Variants in TANC1 observed in about 807,000 individuals in gnomAD.
The protein encoded by TANC1 is tetratricopeptide repeat, ankyrin repeat and coiled-coil containing 1.
A neutral mutation model predicts 149.7 loss-of-function variants in TANC1; 77 were observed. The ratio of observed to expected loss-of-function variants is 0.51; its 90% confidence interval spans 0.43 to 0.62. The LOEUF is 0.62. Among genes scored for constraint, TANC1 ranks in the 20% least tolerant of loss-of-function variants. The pLI, the probability that TANC1 is intolerant of heterozygous loss-of-function variation, is 0.00. For missense variants in TANC1, 1,985 were observed against 2,321.8 expected, an observed-to-expected ratio of 0.85 and a Z score of 2.98; for synonymous variants, 854 against 925.0, an observed-to-expected ratio of 0.92 and a Z score of 1.39.
Position 159,232,229 on chromosome 2 carries a change from T to G in TANC1, c.*1217T>G, listed in dbSNP as rs1036254673. 6.6e-6 allele frequency: 1 copy of G among 152,622 alleles called. No individual in the cohort carries two copies. Among genetic ancestry groups the G allele is most frequent in the African/African-American group, 2.4e-5 (1 of 41,452 alleles). 9.5% of individuals were successfully genotyped at this position (152,622 alleles called of 1,614,324 possible). A position where few individuals can be genotyped will look rare whatever the true frequency, so the allele number is the denominator to read the frequency against. On this transcript the variant is annotated 3_prime_UTR_variant, in exon 27 of 27. Transcript: ENST00000263635. ...TAAAGATAAGGTACAGGAATGAACC[T>G]TGGTTTAAAGGTATTTTTATATGAA...
intron 16 of TANC1, among the ~76,000 whole-genome samples, chr2:159,187,768 T>C (rs893953266): frequency 3.3e-5 from 5 of 152,212 alleles, no homozygotes; most frequent in Non-Finnish European, 7.3e-5. Flanking sequence ...GTTTCATCTT[T>C]CATTTCAGCT....
chr2:158,992,669 A>ATTTTTTTTTTTTTTTT (rs70994251), intron 1 of TANC1, among the ~76,000 whole-genome samples: 4 of 112,512 alleles, frequency 3.6e-5, no homozygotes, highest in Non-Finnish European at 3.6e-5. Context: ...TGCCCAGCTA[A>ATTTTTTTTTTTTTTTT]TTTTTTTTTT....
chr2:158,981,190 C>T (rs1030096148), intron 1 of TANC1, among the ~76,000 whole-genome samples: 8 of 151,930 alleles, frequency 5.3e-5, no homozygotes, highest in Admixed American at 5.2e-4. Context: ...GTGAGTCAGA[C>T]ACACCTGTAA....
rs762255001 is a variant in TANC1 at position 159,230,550 on chromosome 2, C to T, written c.5124C>T (p.His1708=). Residue 1708 remains histidine, a synonymous_variant, in exon 27 of 27, where the codon CAC becomes CAT. Coordinates refer to ENST00000263635, the MANE Select transcript of TANC1 (RefSeq NM_033394.3). The surrounding 1 kb of genome is among the most constrained non-coding windows in gnomAD (Gnocchi z 4.4). ...GAATTAAAGACAAGGTTGTAACCCA[C>T]GTTCAGAGCGGTACAGCTGAGCACA... ...DTRIKDKVVT[H]VQSGTAEHRP... The T allele has an allele frequency of 1.7e-5, 28 of 1,614,074 alleles. No individual in the cohort carries two copies. The highest frequency in any genetic ancestry group is 2.2e-5 in the Non-Finnish European group (26 of 1,180,046).
At chr2:158,993,148 A>T (rs578193333) in intron 1 of TANC1, among the ~76,000 whole-genome samples, 1 of 152,202 alleles carries the variant, frequency 6.6e-6, no homozygotes, top group Non-Finnish European at 1.5e-5. Context: ...CAGCCAAGGA[A>T]AGGAGTCAGA....
intron 11 of TANC1, among the ~76,000 whole-genome samples, chr2:159,172,511 A>C (rs938174015): frequency 6.6e-6 from 1 of 152,234 alleles, no homozygotes; most frequent in African/African-American, 2.4e-5. Flanking sequence ...AGAGTTCCTC[A>C]AGGCAGCAGA....
At chr2:159,041,675 CCAGGTA>C (rs2040646753) in intron 2 of TANC1, among the ~76,000 whole-genome samples, 1 of 152,198 alleles carries the variant, frequency 6.6e-6, no homozygotes, top group Non-Finnish European at 1.5e-5. Context: ...TCCCGATTTT[CCAGGTA>C]CAGTCTGCCA....
chr2:159,134,124 T>C (rs2050400537), intron 4 of TANC1, among the ~76,000 whole-genome samples: 1 of 152,216 alleles, frequency 6.6e-6, no homozygotes, highest in African/African-American at 2.4e-5. Context: ...GTCAGGGCTA[T>C]GGCCCAGGGC....
At chr2:159,037,498 T>G (rs189054830) in intron 2 of TANC1, among the ~76,000 whole-genome samples, 39 of 152,320 alleles carry the variant, frequency 2.6e-4, no homozygotes, top group African/African-American at 9.4e-4. Context: ...GGTCTAACAT[T>G]TAAGTCTTTA....
rs2042632793 is a variant in TANC1, at chr2:159,066,078, A to C, written c.61+107A>C. The C allele has an allele frequency of 4.7e-6, 4 of 856,030 alleles. No individual in the cohort carries two copies. In the East Asian group the frequency reaches 9.7e-5, roughly 21 times the overall value. The allele number at this position is 856,030 out of a possible 1,614,324, so 53.0% of individuals were successfully genotyped here. ...CTTTGGGAGTGGGTCAGAGAGGGTTACCTGGGTTAGAACAAACAGTGTGCT... is the reference window on the plus strand; with the variant it reads ...CTTTGGGAGTGGGTCAGAGAGGGTTCCCTGGGTTAGAACAAACAGTGTGCT... On this transcript the variant is annotated intron_variant, in intron 3 of 26. Coordinates refer to ENST00000263635, the MANE Select transcript of TANC1 (RefSeq NM_033394.3).
intron 4 of TANC1, among the ~76,000 whole-genome samples, chr2:159,107,731 T>A (rs1001602016): frequency 6.6e-6 from 1 of 152,222 alleles, no homozygotes; most frequent in Non-Finnish European, 1.5e-5. Context: ...TCCTTAGGAG[T>A]TGACCGTGGG....
intron 8 of TANC1, among the ~76,000 whole-genome samples, chr2:159,164,912 T>C (rs1393431756): frequency 6.6e-6 from 1 of 152,230 alleles, no homozygotes; most frequent in African/African-American, 2.4e-5. Flanking sequence ...GAGAACATTA[T>C]ACGAGTTGAC....
intron 2 of TANC1, among the ~76,000 whole-genome samples, chr2:159,017,791 G>T (rs1380960338): frequency 2.6e-5 from 4 of 151,830 alleles, no homozygotes; most frequent in Non-Finnish European, 4.4e-5. Flanking sequence ...GGGTTAATAG[G>T]TGCAGCAAAC....
At chr2:159,116,581 A>G (rs2048289907) in intron 4 of TANC1, among the ~76,000 whole-genome samples, 1 of 152,206 alleles carries the variant, frequency 6.6e-6, no homozygotes, top group African/African-American at 2.4e-5. Flanking sequence ...AGGGCCACAC[A>G]GTCCCTGTTG....
intron 5 of TANC1, among the ~76,000 whole-genome samples, chr2:159,145,377 A>G (rs1446272574): frequency 2.0e-5 from 3 of 152,218 alleles, no homozygotes; most frequent in Admixed American, 2.0e-4. Flanking sequence ...ATTCTATAGC[A>G]TCTTGTGGTT....
intron 4 of TANC1, among the ~76,000 whole-genome samples, chr2:159,129,594 C>T (rs1051263363): frequency 1.3e-5 from 2 of 151,880 alleles, no homozygotes; most frequent in Non-Finnish European, 2.9e-5. Flanking sequence ...TTGCAAGCTG[C>T]ATACTTGATA....
At chr2:159,006,125 C>T (rs1039093579) in intron 2 of TANC1, among the ~76,000 whole-genome samples, 21 of 151,772 alleles carry the variant, frequency 1.4e-4, no homozygotes, top group Admixed American at 1.1e-3. Context: ...GTAAAACCCC[C>T]GTCTCTACTG....
intron 4 of TANC1, among the ~76,000 whole-genome samples, chr2:159,098,745 C>T (rs888586687): frequency 6.6e-6 from 1 of 151,964 alleles, no homozygotes; most frequent in Non-Finnish European, 1.5e-5. Flanking sequence ...CCAAAAAAAA[C>T]AAAACAGAAC....
chr2:159,218,780 C>G (rs1339853324), intron 20 of TANC1, among the ~76,000 whole-genome samples: 1 of 152,198 alleles, frequency 6.6e-6, no homozygotes, highest in African/African-American at 2.4e-5. Context: ...TTAGGAAAGC[C>G]CATGGCTTGG....
Sources: allele counts gnomAD v4.1 joint callset (sites outside exome capture counted in the v4.1 genomes callset), GRCh38; gene constraint gnomAD v4.1.1; non-coding constraint Gnocchi (gnomAD v3.1); transcripts MANE v1.5; gene names NCBI Gene and HGNC (gene_info 2026-07-23, HGNC 2026-07-21).